FAM81B: variants seen among roughly 807,000 people sequenced by gnomAD.
The protein encoded by FAM81B is protein FAM81B.
In FAM81B, 60 loss-of-function variants were observed where a neutral mutation model predicts 58.7. The observed-to-expected ratio is 1.02, with a 90% CI of 0.83 to 1.27. FAM81B has a LOEUF of 1.27. FAM81B is among the 50% of genes most tolerant of loss of function. The pLI, the probability that FAM81B is intolerant of heterozygous loss-of-function variation, is 0.00. For missense variants in FAM81B, 491 were observed against 522.0 expected, an observed-to-expected ratio of 0.94 and a Z score of 0.58; for synonymous variants, 189 against 179.6, an observed-to-expected ratio of 1.05 and a Z score of -0.42.
rs199839729 is a variant in FAM81B, at chr5:95,420,308, C to G, written c.562C>G (p.Arg188Gly). 11 of 1,613,530 alleles carry G rather than the reference C, an allele frequency of 6.8e-6. No homozygotes were observed. Among genetic ancestry groups the G allele is most frequent in the Non-Finnish European group, 9.3e-6 (11 of 1,179,752 alleles). Residue 188 changes from arginine (R) to glycine (G), a missense_variant, in exon 5 of 10, where the codon CGA (arginine) becomes GGA (glycine). By Grantham distance (125) the Arg-to-Gly change is moderately radical. Coordinates refer to ENST00000283357, the MANE Select transcript of FAM81B (RefSeq NM_152548.3). ...IEILEDQIRA[R>G]DQAATGTNFA... ...GATTTTAGAAGACCAAATAAGAGCT[C>G]GAGATCAGGCGGCCACAGGAACTAA... is the stretch of plus-strand genomic sequence containing the variant.
intron 7 of FAM81B, among the ~76,000 whole-genome samples, chr5:95,444,463 C>A (rs1043862439): frequency 3.9e-5 from 6 of 152,056 alleles, no homozygotes; most frequent in South Asian, 2.1e-4. Context: ...AGGGCAGGAG[C>A]CAATGGATAT....
chr5:95,409,486 T>TTTCTTTTTTTTTTTTTTTTTG (rs1554043553), intron 3 of FAM81B, among the ~76,000 whole-genome samples: 1 of 151,402 alleles, frequency 6.6e-6, no homozygotes, highest in African/African-American at 2.4e-5. Flanking sequence ...GAATTTTTCT[T>TTTCTTTTTTTTTTTTTTTTTG]AATGTGGCTA....
chr5:95,405,148 G>T (rs138979046), intron 3 of FAM81B, among the ~76,000 whole-genome samples: 1 of 152,334 alleles, frequency 6.6e-6, no homozygotes, highest in African/African-American at 2.4e-5. Flanking sequence ...CGTGGGTTTG[G>T]AGCCTAAGAA....
rs770319153 is a variant in FAM81B, at chr5:95,436,880, C to T, written c.867C>T (p.Arg289=). The change falls in exon 7 of 10, where the codon CGC becomes CGT. Residue 289 remains arginine (R), a synonymous_variant. Coordinates refer to ENST00000283357, the MANE Select transcript of FAM81B (RefSeq NM_152548.3). ...TAAAGATGGTCCAGGGGGATTATCG[C>T]CACGAAATGAACCTTTTGGAATTCA... ...SNLKMVQGDY[R]HEMNLLEFKF... 2 of 1,613,702 alleles carry T rather than the reference C, an allele frequency of 1.2e-6. No individual in the cohort carries two copies. Among genetic ancestry groups the T allele is most frequent in the South Asian group, 2.2e-5 (2 of 91,054 alleles).
chr5:95,392,848 T>C lies in FAM81B; in HGVS notation c.179T>C (p.Val60Ala). The C allele has an allele frequency of 6.2e-7, 1 of 1,612,598 alleles. No homozygotes were observed. Among genetic ancestry groups the C allele is most frequent in the East Asian group, 2.2e-5 (1 of 44,848 alleles). ...ACTGCGACTGCAGAGGAACAGCCAG[T>C]TGAACCTGATGGCCCCCTTCCTGGC... ...SPTATAEEQP[V>A]EPDGPLPGSD... The change falls in exon 2 of 10, where the codon GTT becomes GCT. Residue 60 changes from valine (V) to alanine (A), a missense_variant. Physicochemically the swap from Val to Ala is moderately conservative, Grantham distance 64. Coordinates refer to ENST00000283357, the MANE Select transcript of FAM81B (RefSeq NM_152548.3).
At position 95,396,095 on chromosome 5, in the gene FAM81B, G is replaced by A. The variant is rs1432564458; in HGVS notation, c.229-16G>A. On this transcript the variant is annotated splice_polypyrimidine_tract_variant and intron_variant, in intron 2 of 9. Coordinates refer to ENST00000283357, the MANE Select transcript of FAM81B (RefSeq NM_152548.3). The stretch of plus-strand genomic sequence containing the variant: ...GAAGCAGATGATATATTCTGAATCT[G>A]TAACCTTTGTTTTAGGTAAGATTAT... 4 of 1,593,830 alleles carry A rather than the reference G, an allele frequency of 2.5e-6. No individual in the cohort carries two copies. Among genetic ancestry groups the A allele is most frequent in the African/African-American group, 2.7e-5 (2 of 74,314 alleles).
chr5:95,402,560 A>C (rs1346819320), intron 3 of FAM81B, among the ~76,000 whole-genome samples: 1 of 152,214 alleles, frequency 6.6e-6, no homozygotes, highest in Admixed American at 6.5e-5. Context: ...CATCCCACTT[A>C]ATGTCTCCAT....
At chr5:95,419,345 TA>T (rs1355906869) in intron 4 of FAM81B, among the ~76,000 whole-genome samples, 1 of 152,204 alleles carries the variant, frequency 6.6e-6, no homozygotes, top group African/African-American at 2.4e-5. Context: ...TTGTCAAATA[TA>T]ATACTTAAAC....
At chr5:95,418,583 G>A (rs1762597622) in intron 4 of FAM81B, among the ~76,000 whole-genome samples, 1 of 152,104 alleles carries the variant, frequency 6.6e-6, no homozygotes, top group Admixed American at 6.5e-5. Flanking sequence ...TTTAGATATT[G>A]TTAATCTCTT....
chr5:95,433,882 C>G (rs982836341), intron 6 of FAM81B, among the ~76,000 whole-genome samples: 1 of 152,126 alleles, frequency 6.6e-6, no homozygotes, highest in Non-Finnish European at 1.5e-5. Context: ...TGTTATTTGG[C>G]TTACAGATAT....
At position 95,440,154 on chromosome 5, in the gene FAM81B, G is replaced by C. The variant is rs550801278; in HGVS notation, c.893+3248G>C. On this transcript the variant is annotated intron_variant, in intron 7 of 9. Coordinates refer to ENST00000283357, the MANE Select transcript of FAM81B (RefSeq NM_152548.3). ...GACTGGCACAAGTTCTTTGAAAAGT[G>C]TCTCAGAGGTGCTGACAAGTCCTTT... The C allele has an allele frequency of 5.1e-6, 3 of 584,348 alleles. No homozygotes were observed. In the East Asian group the frequency reaches 1.2e-4, roughly 24 times the overall value. 36.2% of individuals were successfully genotyped at this position (584,348 alleles called of 1,614,324 possible). A position where few individuals can be genotyped will look rare whatever the true frequency, so the allele number is the denominator to read the frequency against.
rs559109523 is a variant in FAM81B at position 95,409,515 on chromosome 5, T to C, written c.294-4432T>C. On this transcript the variant is annotated intron_variant, in intron 3 of 9. Transcript: ENST00000283357. Reference sequence around the variant, plus strand: ...GTGGCTATTAGAAAGTTTAAAATTGTCTATAAGGTTTACATTATATTTCTT... The same window carrying C: ...GTGGCTATTAGAAAGTTTAAAATTGCCTATAAGGTTTACATTATATTTCTT... Among the ~76,000 whole-genome samples, 22 of 136,444 alleles carry C rather than the reference T, an allele frequency of 1.6e-4. 1 individual carries two copies. The South Asian group carries it at 4.9e-3, about 30-fold the overall frequency. 89.5% of individuals were successfully genotyped at this position (136,444 alleles called of 152,430 possible).
At chr5:95,406,858 G>A (rs987047891) in intron 3 of FAM81B, among the ~76,000 whole-genome samples, 7 of 151,958 alleles carry the variant, frequency 4.6e-5, no homozygotes, top group African/African-American at 1.7e-4. Context: ...CTTTCTTTCT[G>A]CACTTTGTCT....
At chr5:95,396,244 A>G in intron 3 of FAM81B, 69 bp downstream of exon 3, 4 of 1,248,708 alleles carry the variant, frequency 3.2e-6, no homozygotes, top group Non-Finnish European at 4.5e-6. Context: ...CACACGCAAA[A>G]AAGAAAAAAT....
intron 7 of FAM81B, among the ~76,000 whole-genome samples, chr5:95,443,539 C>T (rs1745444802): frequency 6.6e-6 from 1 of 152,094 alleles, no homozygotes; most frequent in South Asian, 2.1e-4. Context: ...TGAATGTCAT[C>T]TAAGATAGAT....
chr5:95,412,709 A>C (rs1418038339), intron 3 of FAM81B, among the ~76,000 whole-genome samples: 1 of 152,230 alleles, frequency 6.6e-6, no homozygotes, highest in African/African-American at 2.4e-5. Flanking sequence ...TTTCTTCTGC[A>C]AAGTCCACCA....
chr5:95,396,884 C>T (rs552208115), intron 3 of FAM81B: 3 of 152,286 alleles, frequency 2.0e-5, no homozygotes, highest in East Asian at 3.9e-4. Flanking sequence ...CCAGTCAGTT[C>T]CATAATGTCT....
At chr5:95,425,927 ATC>A (rs1003728595) in intron 5 of FAM81B, among the ~76,000 whole-genome samples, 1 of 151,374 alleles carries the variant, frequency 6.6e-6, no homozygotes, top group African/African-American at 2.4e-5. Context: ...TTTTTTAGAA[ATC>A]TCTCTCATAG....
At position 95,425,174 on chromosome 5, in the gene FAM81B, C is replaced by CAA. The variant is rs397948199; in HGVS notation, c.657-3417_657-3416dup. On this transcript the variant is annotated intron_variant, in intron 5 of 9. Transcript: ENST00000283357. ...TGAAGAAGAAACAGAACGAATTCTT[C>CAA]AAAAAAAAAAAAATCATGCCTATAA... Among the ~76,000 whole-genome samples, 997 of 127,272 alleles carry CAA rather than the reference C, an allele frequency of 7.8e-3. 15 individuals are homozygous for CAA. Among genetic ancestry groups the CAA allele is most frequent in the African/African-American group, 0.024 (849 of 36,114 alleles). 83.5% of individuals were successfully genotyped at this position (127,272 alleles called of 152,430 possible). A position where few individuals can be genotyped will look rare whatever the true frequency, so the allele number is the denominator to read the frequency against.
Sources: allele counts gnomAD v4.1 joint callset (sites outside exome capture counted in the v4.1 genomes callset), GRCh38; gene constraint gnomAD v4.1.1; transcripts MANE v1.5; gene names NCBI Gene and HGNC (gene_info 2026-07-23, HGNC 2026-07-21).